Variants in CIT observed in about 807,000 individuals in gnomAD.
CIT encodes citron rho-interacting serine/threonine kinase, also known as citron Rho-interacting kinase.
CIT carries 79 observed loss-of-function variants against 272.7 expected under a neutral mutation model. That is an observed-to-expected ratio of 0.29 (90% CI 0.24 to 0.35). CIT has a LOEUF of 0.35. CIT is among the 10% of genes least tolerant of loss of function. The pLI, the probability that CIT is intolerant of heterozygous loss-of-function variation, is 1.00. For synonymous variants in CIT, 948 were observed against 995.6 expected (o/e 0.95, Z 0.90); for missense variants, 1,909 against 2,618.3 (o/e 0.73, Z 5.91).
chr12:119,720,083 G>A (rs7961354), intron 30 of CIT, among the ~76,000 whole-genome samples: 2,355 of 152,176 alleles, frequency 0.015, 66 homozygotes, highest in African/African-American at 0.054. Flanking sequence ...AGTGTGGTAC[G>A]AGAGACCTGA....
intron 19 of CIT, among the ~76,000 whole-genome samples, chr12:119,763,739 G>T (rs569290326): frequency 6.6e-6 from 1 of 152,032 alleles, no homozygotes; most frequent in African/African-American, 2.4e-5. Flanking sequence ...AAAGGGAAGC[G>T]ACAATATTCA....
chr12:119,876,568 T>C (rs912223641), intron 1 of CIT, among the ~76,000 whole-genome samples: 3 of 152,076 alleles, frequency 2.0e-5, no homozygotes, highest in Admixed American at 6.6e-5. Context: ...TTAAGTGCTA[T>C]GGGGTAAAAA....
At chr12:119,876,883 CAGAG>C (rs1950867281) in intron 1 of CIT, among the ~76,000 whole-genome samples, 1 of 152,120 alleles carries the variant, frequency 6.6e-6, no homozygotes, top group Non-Finnish European at 1.5e-5. Context: ...TACGCTGAAA[CAGAG>C]AGGTTAAGTA....
Position 119,832,832 on chromosome 12 carries a change from C to A in CIT, c.692G>T (p.Arg231Leu). ...ATCCACCAGCTTGATGTGTCCTGTG[C>A]GGTCAACGAGAATGTTCTCAGGCTT... is the stretch of plus-strand genomic sequence containing the variant. The part of the protein sequence containing the change: ...DIKPENILVD[R>L]TGHIKLVDFG... The change falls in exon 7 of 48, where the codon CGC becomes CTC. Residue 231 changes from arginine (R) to leucine (L), a missense_variant. Around this residue, in one of 8 missense-constraint regions of CIT, gnomAD observed 529 missense variants for 549.6 expected, o/e 0.96. Transcript: ENST00000392521. 6.2e-7 allele frequency: 1 copy of A among 1,613,870 alleles called. No homozygotes were observed. The highest frequency in any genetic ancestry group is 1.1e-5 in the South Asian group (1 of 91,064).
At chr12:119,843,033 A>G (rs1969516283) in intron 5 of CIT, among the ~76,000 whole-genome samples, 1 of 152,212 alleles carries the variant, frequency 6.6e-6, no homozygotes, top group Non-Finnish European at 1.5e-5. Flanking sequence ...GCGCCATTCC[A>G]GAAGTATAGG....
chr12:119,797,423 A>C (rs1965822550), intron 10 of CIT, among the ~76,000 whole-genome samples: 1 of 152,306 alleles, frequency 6.6e-6, no homozygotes, highest in South Asian at 2.1e-4. Context: ...GAAGAAATTG[A>C]ATGAGCAAGA....
At chr12:119,820,568 T>C (rs1356340005) in intron 9 of CIT, among the ~76,000 whole-genome samples, 3 of 151,806 alleles carry the variant, frequency 2.0e-5, no homozygotes, top group African/African-American at 7.3e-5. Context: ...TAAATAAATA[T>C]AAAAAAGAGT....
At chr12:119,772,021 C>T (rs1963213174) in intron 17 of CIT, among the ~76,000 whole-genome samples, 1 of 151,932 alleles carries the variant, frequency 6.6e-6, no homozygotes, top group Non-Finnish European at 1.5e-5. Flanking sequence ...TTTAGGGGAG[C>T]TGGGGGAAAT....
At chr12:119,755,818 T>TC (rs1960900421) in intron 22 of CIT, among the ~76,000 whole-genome samples, 2 of 152,226 alleles carry the variant, frequency 1.3e-5, no homozygotes, top group Non-Finnish European at 2.9e-5. Context: ...TGGCCACTCT[T>TC]CCCAGCCTCC....
intron 3 of CIT, among the ~76,000 whole-genome samples, chr12:119,868,728 G>T (rs1950583643): frequency 1.3e-5 from 2 of 152,096 alleles, no homozygotes. Flanking sequence ...TGTAGAGATG[G>T]GGTTTCACCA....
chr12:119,708,169 G>A lies in CIT; in HGVS notation c.5211+10C>T, dbSNP rs1956974895. On this transcript the variant is annotated intron_variant, in intron 40 of 47. Coordinates refer to ENST00000392521, the MANE Select transcript of CIT (RefSeq NM_001206999.2). Reference sequence around the variant, plus strand: ...ACATTCCACCAGCTAGGACTCTGAGGGGAGCTTACCTTGCCTGCCCCAAAC... The same window carrying A: ...ACATTCCACCAGCTAGGACTCTGAGAGGAGCTTACCTTGCCTGCCCCAAAC... 1 of 1,550,720 alleles carries A rather than the reference G, an allele frequency of 6.4e-7. No homozygotes were observed. Among genetic ancestry groups the A allele is most frequent in the African/African-American group, 1.4e-5 (1 of 72,140 alleles).
chr12:119,855,498 G>C (rs1341262401), intron 4 of CIT, among the ~76,000 whole-genome samples: 1 of 152,106 alleles, frequency 6.6e-6, no homozygotes, highest in Non-Finnish European at 1.5e-5. Context: ...CCCTGGGTGG[G>C]CGTGCGGGCC....
chr12:119,834,663 T>C (rs1968873106), intron 5 of CIT, among the ~76,000 whole-genome samples: 1 of 152,240 alleles, frequency 6.6e-6, no homozygotes, highest in African/African-American at 2.4e-5. Context: ...AATCTTTTCC[T>C]TTTATAGTCA....
At position 119,876,181 on chromosome 12, in the gene CIT, G is replaced by T; in HGVS notation, c.-13C>A. 1 of 1,597,400 alleles carries T rather than the reference G, an allele frequency of 6.3e-7. No individual in the cohort carries two copies. Among genetic ancestry groups the T allele is most frequent in the Non-Finnish European group, 8.6e-7 (1 of 1,165,690 alleles). ...TGAACTTCAACATCTCCCCACTGGC[G>T]CTGAAAGGATATCAGAAAAGTCAAG... On this transcript the variant is annotated splice_region_variant and 5_prime_UTR_variant, in exon 2 of 48. Coordinates refer to ENST00000392521, the MANE Select transcript of CIT (RefSeq NM_001206999.2).
rs772698952 is a variant in CIT, at chr12:119,697,871, T to G, written c.5703-33A>C. 11 of 1,613,380 alleles carry G rather than the reference T, an allele frequency of 6.8e-6. No individual in the cohort carries two copies. Among genetic ancestry groups the G allele is most frequent in the Non-Finnish European group, 4.2e-6 (5 of 1,179,552 alleles). On this transcript the variant is annotated intron_variant, in intron 45 of 47. Transcript: ENST00000392521. This position sits in a 1 kb window ranked among gnomAD's most constrained non-coding sequence, Gnocchi z 4.9. ...GTCCCAGAGTTCCAGTTACCTTCAT[T>G]GCAGGCTACCTCCATTGCTAGGCAA...
At chr12:119,794,635 T>C (rs1965576929) in intron 10 of CIT, among the ~76,000 whole-genome samples, 1 of 152,106 alleles carries the variant, frequency 6.6e-6, no homozygotes, top group Admixed American at 6.6e-5. Context: ...AAGTGATACA[T>C]CACAGACTCC....
chr12:119,790,669 T>A (rs948807375), intron 10 of CIT, among the ~76,000 whole-genome samples: 7 of 152,012 alleles, frequency 4.6e-5, no homozygotes, highest in Non-Finnish European at 1.0e-4. Flanking sequence ...AGACCAGTGG[T>A]TCTCAACAGG....
chr12:119,752,394 T>C, intron 22 of CIT, 147 bp from the exon 23 acceptor site: 1 of 677,744 alleles, frequency 1.5e-6, no homozygotes, highest in Non-Finnish European at 2.4e-6. Context: ...GAGAGGAAAA[T>C]GCAACAAAAT....
At chr12:119,731,475 CAAAAAA>C (rs34429031) in intron 26 of CIT, among the ~76,000 whole-genome samples, 7 of 108,038 alleles carry the variant, frequency 6.5e-5, no homozygotes, top group Non-Finnish European at 7.7e-5. Context: ...ACTCCATTCT[CAAAAAA>C]AAAAAAAAAA....
Sources: gnomAD v4.1 joint callset for allele counts (sites outside exome capture counted in the v4.1 genomes callset) on GRCh38, gnomAD v4.1.1 for gene constraint, gnomAD v4.1.1 regional missense constraint, Gnocchi (gnomAD v3.1) non-coding constraint, MANE v1.5 for transcripts, NCBI Gene and HGNC (gene_info 2026-07-23, HGNC 2026-07-21) for gene names.